Variants in COL19A1 observed in about 807,000 individuals in gnomAD.
COL19A1 encodes the protein collagen type XIX alpha 1 chain.
COL19A1 carries 159 observed loss-of-function variants against 190.2 expected under a neutral mutation model. That is an observed-to-expected ratio of 0.84 (90% CI 0.73 to 0.95). The LOEUF (loss-of-function observed/expected upper bound fraction) is 0.95. Among genes scored for constraint, COL19A1 ranks in the 40% least tolerant of loss-of-function variants. The pLI is 0.00. For missense variants in COL19A1, 1,418 were observed against 1,431.9 expected (o/e 0.99, Z 0.16); for synonymous variants, 509 against 458.9 (o/e 1.11, Z -1.39).
chr6:69,900,433 C>G, intron 4 of COL19A1, 95 bp downstream of exon 4: 1 of 633,610 alleles, frequency 1.6e-6, no homozygotes, highest in Non-Finnish European at 2.5e-6. Context: ...TAAAGTTTCT[C>G]AATAGCATCA....
intron 16 of COL19A1, among the ~76,000 whole-genome samples, chr6:70,106,785 G>A (rs766699425): frequency 2.8e-4 from 42 of 152,164 alleles, no homozygotes; most frequent in Admixed American, 8.5e-4. Flanking sequence ...TGTCCTAAGC[G>A]AATATTCTTC....
At chr6:70,004,856 G>C (rs9354903) in intron 11 of COL19A1, among the ~76,000 whole-genome samples, 1 of 148,836 alleles carries the variant, frequency 6.7e-6, no homozygotes, top group Non-Finnish European at 1.5e-5. Context: ...TTTTGACGGA[G>C]TCTTGCTCTG....
At position 70,161,881 on chromosome 6, in the gene COL19A1, T is replaced by A; in HGVS notation, c.2293-19T>A. Reference sequence around the variant, plus strand: ...CCCAATGATATAACAGATTTTATGATGGGAACTATCTTTTCCAGGGTCTTC... The same window carrying A: ...CCCAATGATATAACAGATTTTATGAAGGGAACTATCTTTTCCAGGGTCTTC... On this transcript the variant is annotated intron_variant, in intron 34 of 50. Coordinates refer to ENST00000620364, the MANE Select transcript of COL19A1 (RefSeq NM_001858.6). The A allele has an allele frequency of 1.3e-6, 2 of 1,595,340 alleles. No individual in the cohort carries two copies. The highest frequency in any genetic ancestry group is 1.7e-6 in the Non-Finnish European group (2 of 1,172,180).
At chr6:70,028,458 G>C (rs1351360387) in intron 12 of COL19A1, among the ~76,000 whole-genome samples, 1 of 152,174 alleles carries the variant, frequency 6.6e-6, no homozygotes, top group Non-Finnish European at 1.5e-5. Context: ...CCAAGAGTCT[G>C]TCTGGGCATC....
intron 16 of COL19A1, 89 bp from the exon 17 acceptor site, chr6:70,121,791 T>C (rs1784892675): frequency 2.4e-6 from 2 of 831,824 alleles, no homozygotes; most frequent in South Asian, 1.7e-5. Flanking sequence ...CTTCACTATA[T>C]GATTTCAAGA....
At chr6:70,203,502 A>G (rs1053622396) in intron 49 of COL19A1, among the ~76,000 whole-genome samples, 9 of 152,160 alleles carry the variant, frequency 5.9e-5, no homozygotes, top group Admixed American at 5.2e-4. Context: ...CACTGCTATC[A>G]ATTGGTGGAG....
intron 42 of COL19A1, among the ~76,000 whole-genome samples, chr6:70,179,017 C>T (rs141621138): frequency 4.2e-3 from 640 of 152,176 alleles, no homozygotes; most frequent in Non-Finnish European, 7.2e-3. Flanking sequence ...ATCTCAAGGC[C>T]CGAGCCCTCT....
intron 15 of COL19A1, among the ~76,000 whole-genome samples, chr6:70,076,570 C>G (rs1318775314): frequency 6.6e-6 from 1 of 152,118 alleles, no homozygotes; most frequent in African/African-American, 2.4e-5. Context: ...AGTGAGGGAC[C>G]AGGGGGAGAG....
chr6:69,916,542 A>G (rs906617264), intron 4 of COL19A1, among the ~76,000 whole-genome samples: 1 of 152,186 alleles, frequency 6.6e-6, no homozygotes, highest in Non-Finnish European at 1.5e-5. Flanking sequence ...TCTATGCTCA[A>G]AATATCATTA....
At position 69,968,735 on chromosome 6, in the gene COL19A1, A is replaced by G. The variant is rs538399153; in HGVS notation, c.1026+5865A>G. ...CATGCAGGACATGAGAATTTGAATG[A>G]GTGGTTGTGACTTTGGGCCACTTAA... is the stretch of plus-strand genomic sequence containing the variant. On this transcript the variant is annotated intron_variant, in intron 11 of 50. Coordinates refer to ENST00000620364, the MANE Select transcript of COL19A1 (RefSeq NM_001858.6). Among the ~76,000 whole-genome samples the G allele has an allele frequency of 4.6e-5, 7 of 152,280 alleles. No homozygotes were observed. The East Asian group carries it at 9.6e-4, about 21-fold the overall frequency.
At chr6:70,031,960 AG>A (rs1228940497) in intron 12 of COL19A1, among the ~76,000 whole-genome samples, 1 of 152,218 alleles carries the variant, frequency 6.6e-6, no homozygotes. Flanking sequence ...AAAAGCGATA[AG>A]GAAGACATTT....
At chr6:69,962,192 G>T (rs1359482639) in intron 10 of COL19A1, among the ~76,000 whole-genome samples, 4 of 152,170 alleles carry the variant, frequency 2.6e-5, no homozygotes, top group Admixed American at 1.3e-4. Flanking sequence ...TCAGATCAGA[G>T]AGGGTGTAGA....
intron 16 of COL19A1, among the ~76,000 whole-genome samples, chr6:70,103,168 A>G (rs1783739508): frequency 2.6e-5 from 4 of 152,164 alleles, no homozygotes; most frequent in Admixed American, 1.3e-4. Flanking sequence ...GTCCAAAACT[A>G]ATCTCTAAAA....
Position 70,163,364 on chromosome 6 carries a change from C to T in COL19A1, c.2368C>T (p.His790Tyr), listed in dbSNP as rs767279645. ...GPPGLMGRTG[H>Y]PGPTGAKGEK... ...ACAGGGCTTAATGGGAAGAACTGGA[C>T]ATCCTGGTCCCACAGGAGCAAAAGG... Residue 790 changes from histidine (H) to tyrosine (Y), a missense_variant, in exon 36 of 51, where the codon CAT becomes TAT. By Grantham distance (83) the His-to-Tyr change is moderately conservative. Transcript: ENST00000620364. 7 of 1,612,444 alleles carry T rather than the reference C, an allele frequency of 4.3e-6. No individual in the cohort carries two copies. The highest frequency in any genetic ancestry group is 5.9e-6 in the Non-Finnish European group (7 of 1,179,126).
At chr6:70,035,861 A>G in intron 13 of COL19A1, 43 bp from the exon 14 acceptor site, 1 of 1,553,226 alleles carries the variant, frequency 6.4e-7, no homozygotes, top group Admixed American at 1.7e-5. Flanking sequence ...AATGTGCAAA[A>G]AGGGACTAGT....
intron 11 of COL19A1, among the ~76,000 whole-genome samples, chr6:69,990,572 G>T (rs369424959): frequency 5.9e-5 from 9 of 152,082 alleles, no homozygotes; most frequent in African/African-American, 2.2e-4. Flanking sequence ...ATTTGTTAAA[G>T]AATCGGGGTT....
chr6:70,164,904 T>C (rs1404269200), intron 36 of COL19A1, among the ~76,000 whole-genome samples: 1 of 152,220 alleles, frequency 6.6e-6, no homozygotes, highest in Non-Finnish European at 1.5e-5. Flanking sequence ...AACTTTACAG[T>C]TTATTTTTAT....
At chr6:69,952,700 A>G in intron 9 of COL19A1, among the ~76,000 whole-genome samples, 1 of 151,988 alleles carries the variant, frequency 6.6e-6, no homozygotes, top group Non-Finnish European at 1.5e-5. Flanking sequence ...ATGAGACTGA[A>G]TGAGGCAGAT....
intron 14 of COL19A1, among the ~76,000 whole-genome samples, chr6:70,056,778 TA>T (rs920988332): frequency 1.6e-4 from 24 of 151,624 alleles, no homozygotes; most frequent in African/African-American, 2.9e-4. Context: ...TTTTAAAACT[TA>T]AAAAAAAATT....
Sources: allele counts gnomAD v4.1 joint callset (sites outside exome capture counted in the v4.1 genomes callset), GRCh38; gene constraint gnomAD v4.1.1; transcripts MANE v1.5; gene names NCBI Gene and HGNC (gene_info 2026-07-23, HGNC 2026-07-21).